TANGO6: variants seen among roughly 807,000 people sequenced by gnomAD.
TANGO6 encodes transport and golgi organization 6 homolog.
A neutral mutation model predicts 114.2 loss-of-function variants in TANGO6; 90 were observed. The observed-to-expected ratio is 0.79, with a 90% CI of 0.66 to 0.94. The LOEUF (loss-of-function observed/expected upper bound fraction) is 0.94. TANGO6 is among the 40% of genes least tolerant of loss of function. The probability of loss-of-function intolerance (pLI) is 0.00; values close to 1 mark genes in which losing one functional copy is unlikely to be tolerated. For synonymous variants in TANGO6, 477 were observed against 509.8 expected (o/e 0.94, Z 0.87); for missense variants, 1,274 against 1,315.3 (o/e 0.97, Z 0.49).
chr16:68,922,813 G>A (rs1963113310), intron 12 of TANGO6, among the ~76,000 whole-genome samples: 2 of 152,020 alleles, frequency 1.3e-5, no homozygotes, highest in Admixed American at 1.3e-4. Flanking sequence ...TTAAAAGCTG[G>A]GCTCCAAATC....
At chr16:68,911,459 C>T (rs1175876700) in intron 11 of TANGO6, among the ~76,000 whole-genome samples, 1 of 150,140 alleles carries the variant, frequency 6.7e-6, no homozygotes, top group African/African-American at 2.5e-5. Context: ...TCTGTCGGCC[C>T]AGGCTGGAGT....
At chr16:68,972,414 C>T (rs2152212517) in intron 14 of TANGO6, among the ~76,000 whole-genome samples, 1 of 152,262 alleles carries the variant, frequency 6.6e-6, no homozygotes, top group East Asian at 1.9e-4. Flanking sequence ...ACTTTGCCTG[C>T]AAGGCTGTCA....
At chr16:69,002,337 T>C (rs1373199058) in intron 15 of TANGO6, among the ~76,000 whole-genome samples, 1 of 152,206 alleles carries the variant, frequency 6.6e-6, no homozygotes, top group Non-Finnish European at 1.5e-5. Context: ...TGATATGGTT[T>C]GGCTCTGTGC....
chr16:68,913,815 T>C (rs1962962446), intron 11 of TANGO6, among the ~76,000 whole-genome samples: 1 of 152,118 alleles, frequency 6.6e-6, no homozygotes, highest in African/African-American at 2.4e-5. Flanking sequence ...AAAATGGAGT[T>C]GAATTTAGAG....
intron 14 of TANGO6, among the ~76,000 whole-genome samples, chr16:68,971,654 A>T (rs1963706110): frequency 6.6e-6 from 1 of 151,656 alleles, no homozygotes; most frequent in Non-Finnish European, 1.5e-5. Flanking sequence ...TTTTTGAGAC[A>T]GAGTTTCACT....
At chr16:68,955,888 A>G (rs1963525318) in intron 14 of TANGO6, among the ~76,000 whole-genome samples, 1 of 152,152 alleles carries the variant, frequency 6.6e-6, no homozygotes, top group African/African-American at 2.4e-5. Flanking sequence ...GGTGGCTCAC[A>G]TCTGTAATCC....
intron 11 of TANGO6, 119 bp from the exon 12 acceptor site, chr16:68,918,966 G>C (rs1410737306): frequency 1.2e-5 from 15 of 1,242,156 alleles, no homozygotes; most frequent in Non-Finnish European, 1.5e-5. Context: ...AGTTGTTCTG[G>C]ATGGTTCTTG....
At chr16:69,027,219 C>G (rs1245614630) in intron 16 of TANGO6, among the ~76,000 whole-genome samples, 1 of 152,166 alleles carries the variant, frequency 6.6e-6, no homozygotes, top group Non-Finnish European at 1.5e-5. Flanking sequence ...AGCAGAGAAG[C>G]ACACTCACAG....
At chr16:68,909,793 C>A (rs1287462263) in intron 11 of TANGO6, among the ~76,000 whole-genome samples, 1 of 152,168 alleles carries the variant, frequency 6.6e-6, no homozygotes, top group African/African-American at 2.4e-5. Context: ...CTTCGTCCTA[C>A]TCAAGCTCCA....
At chr16:68,848,681 CT>C (rs1227253457) in intron 1 of TANGO6, among the ~76,000 whole-genome samples, 1 of 152,114 alleles carries the variant, frequency 6.6e-6, no homozygotes, top group Non-Finnish European at 1.5e-5. Context: ...TAGAATCATT[CT>C]GTTCCTTTAT....
chr16:68,954,218 C>G (rs1963503239), intron 14 of TANGO6, among the ~76,000 whole-genome samples: 1 of 148,264 alleles, frequency 6.7e-6, no homozygotes, highest in Non-Finnish European at 1.5e-5. Flanking sequence ...CCACTACACT[C>G]CAGCCTGAGC....
At chr16:68,970,131 T>C (rs1342597397) in intron 14 of TANGO6, among the ~76,000 whole-genome samples, 1 of 152,064 alleles carries the variant, frequency 6.6e-6, no homozygotes, top group Non-Finnish European at 1.5e-5. Flanking sequence ...AGTTCACACC[T>C]GGAGGGGGAG....
At chr16:68,947,872 G>A (rs1963433162) in intron 14 of TANGO6, among the ~76,000 whole-genome samples, 1 of 152,098 alleles carries the variant, frequency 6.6e-6, no homozygotes, top group South Asian at 2.1e-4. Context: ...GATTACAGGT[G>A]TGAGCCATCA....
chr16:68,854,208 C>A (rs1961949252), intron 1 of TANGO6, among the ~76,000 whole-genome samples: 1 of 152,166 alleles, frequency 6.6e-6, no homozygotes, highest in Admixed American at 6.5e-5. Context: ...AATCCCAGCA[C>A]TTTAAGAGGC....
intron 15 of TANGO6, among the ~76,000 whole-genome samples, chr16:68,978,619 T>A (rs1963788211): frequency 6.6e-6 from 1 of 152,206 alleles, no homozygotes; most frequent in Non-Finnish European, 1.5e-5. Context: ...GTTGTGGAAA[T>A]GCTGTGAATA....
At chr16:68,980,943 G>A (rs938731069) in intron 15 of TANGO6, among the ~76,000 whole-genome samples, 4 of 151,780 alleles carry the variant, frequency 2.6e-5, no homozygotes, top group Non-Finnish European at 2.9e-5. Flanking sequence ...GCAATGAGCC[G>A]AGATCACGCC....
intron 11 of TANGO6, among the ~76,000 whole-genome samples, chr16:68,910,770 G>A (rs140708783): frequency 1.1e-4 from 16 of 152,248 alleles, no homozygotes; most frequent in African/African-American, 3.9e-4. Context: ...TCCACCTCCT[G>A]GGTTCAAGCA....
chr16:68,883,000 A>G (rs2152172322), intron 7 of TANGO6, among the ~76,000 whole-genome samples: 1 of 152,318 alleles, frequency 6.6e-6, no homozygotes, highest in South Asian at 2.1e-4. Context: ...CTTGGAAAAC[A>G]GAGCGAGACT....
chr16:68,857,751 T>A (rs1266085903), intron 1 of TANGO6, among the ~76,000 whole-genome samples: 1 of 152,222 alleles, frequency 6.6e-6, no homozygotes, highest in East Asian at 1.9e-4. Flanking sequence ...TGTTTTAATT[T>A]GCATTTCCCT....
Sources: gnomAD v4.1 joint callset for allele counts (sites outside exome capture counted in the v4.1 genomes callset) on GRCh38, gnomAD v4.1.1 for gene constraint, MANE v1.5 for transcripts, NCBI Gene and HGNC (gene_info 2026-07-23, HGNC 2026-07-21) for gene names.